DDAH1: variants seen among roughly 807,000 people sequenced by gnomAD.
The protein encoded by DDAH1 is dimethylarginine dimethylaminohydrolase 1, also known as N(G),N(G)-dimethylarginine dimethylaminohydrolase 1.
Under a neutral mutation model 28.8 loss-of-function variants are expected in DDAH1, and 19 were observed. The ratio of observed to expected loss-of-function variants is 0.66; its 90% CI spans 0.46 to 0.97. The LOEUF (loss-of-function observed/expected upper bound fraction) is 0.97. Ranked by LOEUF, DDAH1 falls within the 50% of genes least tolerant of loss-of-function variation. The pLI, the probability that DDAH1 is intolerant of heterozygous loss-of-function variation, is 0.00. For synonymous variants in DDAH1, 153 were observed against 154.4 expected (o/e 0.99, Z 0.07); for missense variants, 326 against 375.9 (o/e 0.87, Z 1.10).
intron 1 of DDAH1, among the ~76,000 whole-genome samples, chr1:85,534,572 T>C (rs1394464069): frequency 6.6e-6 from 1 of 152,054 alleles, no homozygotes; most frequent in African/African-American, 2.4e-5. Flanking sequence ...AGAGGTATCA[T>C]TATTCTATGT....
intron 1 of DDAH1, among the ~76,000 whole-genome samples, chr1:85,539,277 G>C (rs1157614268): frequency 6.6e-6 from 1 of 152,010 alleles, no homozygotes; most frequent in African/African-American, 2.4e-5. Context: ...CTCCCATGTA[G>C]CTGGGATGAC....
At chr1:85,419,131 A>G (rs1319614134) in intron 1 of DDAH1, among the ~76,000 whole-genome samples, 1 of 152,188 alleles carries the variant, frequency 6.6e-6, no homozygotes, top group Non-Finnish European at 1.5e-5. Flanking sequence ...GGAAAAAGCC[A>G]TTAAAATTGT....
At chr1:85,463,595 T>C (rs568144403) in intron 1 of DDAH1, among the ~76,000 whole-genome samples, 1 of 152,358 alleles carries the variant, frequency 6.6e-6, no homozygotes, top group African/African-American at 2.4e-5. Context: ...ATTATCTCGA[T>C]GAGAAATTAG....
At chr1:85,506,169 C>T (rs17392306) in intron 1 of DDAH1, among the ~76,000 whole-genome samples, 29,481 of 152,088 alleles carry the variant, frequency 0.19, 3,310 homozygotes, top group Admixed American at 0.29. Flanking sequence ...TCAGTCTGCC[C>T]GGGCCTGACA....
At chr1:85,574,411 C>A (rs932679447) in intron 1 of DDAH1, among the ~76,000 whole-genome samples, 4 of 152,232 alleles carry the variant, frequency 2.6e-5, no homozygotes, top group Non-Finnish European at 5.9e-5. Flanking sequence ...ACATCTCTTG[C>A]CAGTTTTCAG....
At chr1:85,374,966 T>C (rs1208909818) in intron 1 of DDAH1, among the ~76,000 whole-genome samples, 2 of 152,138 alleles carry the variant, frequency 1.3e-5, no homozygotes, top group Non-Finnish European at 2.9e-5. Context: ...TACAGACTTT[T>C]ATGGTGGTAA....
At chr1:85,337,644 G>C (rs2100814301) in intron 4 of DDAH1, among the ~76,000 whole-genome samples, 1 of 152,130 alleles carries the variant, frequency 6.6e-6, no homozygotes, top group African/African-American at 2.4e-5. Context: ...AGTAAAGATG[G>C]GGTTTCACCA....
At chr1:85,456,072 C>A (rs537376147) in intron 1 of DDAH1, among the ~76,000 whole-genome samples, 39 of 151,576 alleles carry the variant, frequency 2.6e-4, no homozygotes, top group Non-Finnish European at 3.4e-4. Flanking sequence ...ACTTTCTCTC[C>A]CCTACAACCC....
chr1:85,551,286 C>T (rs886140788), intron 1 of DDAH1, among the ~76,000 whole-genome samples: 6 of 152,124 alleles, frequency 3.9e-5, no homozygotes, highest in African/African-American at 1.4e-4. Context: ...GCTCATGATA[C>T]CTCTGGGAAA....
At chr1:85,439,181 G>A (rs1654079696) in intron 1 of DDAH1, among the ~76,000 whole-genome samples, 1 of 152,134 alleles carries the variant, frequency 6.6e-6, no homozygotes, top group Admixed American at 6.5e-5. Context: ...ATTAGCAGGG[G>A]TGGAATATGA....
intron 1 of DDAH1, among the ~76,000 whole-genome samples, chr1:85,381,448 GA>G (rs764367843): frequency 1.2e-4 from 18 of 151,876 alleles, no homozygotes; most frequent in Admixed American, 7.2e-4. Flanking sequence ...CTGTCACCGA[GA>G]AGTATACACG....
At chr1:85,440,174 G>A (rs1654126661) in intron 1 of DDAH1, among the ~76,000 whole-genome samples, 2 of 152,092 alleles carry the variant, frequency 1.3e-5, no homozygotes, top group Non-Finnish European at 2.9e-5. Flanking sequence ...ATATTTATGA[G>A]CATTAAACAG....
intron 1 of DDAH1, among the ~76,000 whole-genome samples, chr1:85,515,605 A>G (rs560238212): frequency 3.3e-5 from 5 of 151,328 alleles, no homozygotes; most frequent in Admixed American, 3.3e-4. Flanking sequence ...ACCAGTCAAG[A>G]CTCATCTCAA....
chr1:85,459,814 A>G (rs1655051791), intron 1 of DDAH1, among the ~76,000 whole-genome samples: 1 of 152,264 alleles, frequency 6.6e-6, no homozygotes, highest in Non-Finnish European at 1.5e-5. Flanking sequence ...TTTTTAAACT[A>G]AAGTGAAAAC....
upstream of DDAH1, among the ~76,000 whole-genome samples, chr1:85,469,074 C>G (rs545472043): frequency 4.6e-5 from 7 of 152,296 alleles, no homozygotes; most frequent in South Asian, 1.5e-3. Flanking sequence ...ATGGGTCAGG[C>G]CCAGAAGGGA....
At chr1:85,511,539 C>A (rs1657233285) in intron 1 of DDAH1, among the ~76,000 whole-genome samples, 1 of 151,962 alleles carries the variant, frequency 6.6e-6, no homozygotes, top group Non-Finnish European at 1.5e-5. Flanking sequence ...AAAAACCCTT[C>A]AAAAAATCAA....
intron 1 of DDAH1, among the ~76,000 whole-genome samples, chr1:85,505,410 GAAGT>G (rs1305305520): frequency 1.3e-5 from 2 of 152,144 alleles, no homozygotes; most frequent in African/African-American, 4.8e-5. Context: ...CTTCTAGGAA[GAAGT>G]AAGTTTTGAG....
At chr1:85,566,922 T>C (rs543805451) in intron 1 of DDAH1, among the ~76,000 whole-genome samples, 1 of 152,278 alleles carries the variant, frequency 6.6e-6, no homozygotes, top group South Asian at 2.1e-4. Flanking sequence ...GAGCTGATGG[T>C]GTAGTTCCAG....
At chr1:85,323,484 A>T (rs1455548550) in intron 5 of DDAH1, among the ~76,000 whole-genome samples, 1 of 152,224 alleles carries the variant, frequency 6.6e-6, no homozygotes, top group East Asian at 1.9e-4. Context: ...AGCATTCCAG[A>T]TCCAGAGAGA....
Sources: allele counts gnomAD v4.1 joint callset (sites outside exome capture counted in the v4.1 genomes callset), GRCh38; gene constraint gnomAD v4.1.1; transcripts MANE v1.5; gene names NCBI Gene and HGNC (gene_info 2026-07-23, HGNC 2026-07-21).